SPP2: variants seen among roughly 807,000 people sequenced by gnomAD.
SPP2 encodes the protein secreted phosphoprotein 24.
Under a neutral mutation model 28.8 loss-of-function variants are expected in SPP2, and 34 were observed. The observed-to-expected ratio is 1.18, with a 90% CI of 0.90 to 1.57. SPP2 has a LOEUF of 1.57. SPP2 is among the 40% of genes most tolerant of loss of function. The pLI, the probability that SPP2 is intolerant of heterozygous loss-of-function variation, is 0.00. For missense variants in SPP2, 269 were observed against 263.9 expected, an observed-to-expected ratio of 1.02 and a Z score of -0.13; for synonymous variants, 96 against 89.4, an observed-to-expected ratio of 1.07 and a Z score of -0.42.
chr2:234,060,388 G>A lies in SPP2; in HGVS notation c.353G>A (p.Ser118Asn). The change falls in exon 4 of 8, where the codon AGC becomes AAC. Residue 118 changes from serine (S) to asparagine (N), a missense_variant. Physicochemically the swap from Ser to Asn is conservative, Grantham distance 46 (BLOSUM62 1). Transcript: ENST00000168148. Reference protein sequence around the residue: ...DYYVSTAVCRSTVKVSAQQVQ... With the variant: ...DYYVSTAVCRNTVKVSAQQVQ... The stretch of plus-strand genomic sequence containing the variant: ...TTCCAGTCCACAGCTGTTTGCAGAA[G>A]CACCGTGAAGGTATCTGCCCAGCAG... 6.2e-7 allele frequency: 1 copy of A among 1,613,968 alleles called. No individual in the cohort carries two copies. Among genetic ancestry groups the A allele is most frequent in the Middle Eastern group, 1.6e-4 (1 of 6,062 alleles).
chr2:234,061,205 A>T (rs1243444757), intron 4 of SPP2, among the ~76,000 whole-genome samples: 2 of 152,176 alleles, frequency 1.3e-5, no homozygotes, highest in Non-Finnish European at 2.9e-5. Context: ...CCTTGAAATT[A>T]TATTATATAA....
Position 234,058,839 on chromosome 2 carries a change from G to A in SPP2, c.214G>A (p.Glu72Lys), listed in dbSNP as rs1339105286. The A allele has an allele frequency of 6.2e-7, 1 of 1,612,586 alleles. No homozygotes were observed. The highest frequency in any genetic ancestry group is 8.5e-7 in the Non-Finnish European group (1 of 1,179,420). The change falls in exon 3 of 8, where the codon GAG (glutamate) becomes AAG (lysine). Residue 72 changes from glutamate (E) to lysine (K), a missense_variant. Physicochemically the swap from Glu to Lys is moderately conservative, Grantham distance 56. Coordinates refer to ENST00000168148, the MANE Select transcript of SPP2 (RefSeq NM_006944.3). ...RAFRSSLKRV[E>K]VLDENNLVMN... ...CTGAAACTTTATTTTTGTGAAGGTT[G>A]AGGTCCTAGATGAGAACAACTTGGT...
At chr2:234,073,461 T>C (rs1422746310) in intron 7 of SPP2, among the ~76,000 whole-genome samples, 1 of 152,220 alleles carries the variant, frequency 6.6e-6, no homozygotes, top group South Asian at 2.1e-4. Flanking sequence ...CTATTTGTTA[T>C]GAAATCCCCA....
chr2:234,058,546 TG>T (rs1693653281), intron 2 of SPP2, among the ~76,000 whole-genome samples: 1 of 152,180 alleles, frequency 6.6e-6, no homozygotes, highest in Non-Finnish European at 1.5e-5. Context: ...CCACAAACAG[TG>T]AGGATCAATT....
At chr2:234,076,663 T>A (rs768129730) in intron 7 of SPP2, among the ~76,000 whole-genome samples, 182 bp from the exon 8 acceptor site, 3 of 152,126 alleles carry the variant, frequency 2.0e-5, no homozygotes, top group Non-Finnish European at 4.4e-5. Context: ...TTGCTTTTGC[T>A]TGGTTCCTTC....
intron 6 of SPP2, among the ~76,000 whole-genome samples, chr2:234,069,192 A>AAG (rs143384388): frequency 0.039 from 5,822 of 149,118 alleles, 243 homozygotes; most frequent in African/African-American, 0.11. Flanking sequence ...ATTTGAGAGA[A>AAG]AGAGAGAGAG....
chr2:234,060,788 C>G (rs1693706995), intron 4 of SPP2, among the ~76,000 whole-genome samples: 1 of 152,024 alleles, frequency 6.6e-6, no homozygotes, highest in African/African-American at 2.4e-5. Flanking sequence ...TACACACGCA[C>G]ACACACTTGA....
chr2:234,051,750 G>A (rs187514234), intron 2 of SPP2, among the ~76,000 whole-genome samples: 182 of 152,272 alleles, frequency 1.2e-3, no homozygotes, highest in Admixed American at 2.7e-3. Flanking sequence ...ATATTTTCAA[G>A]CAAATTTAGG....
intron 6 of SPP2, among the ~76,000 whole-genome samples, chr2:234,069,457 T>C (rs1215895585): frequency 1.3e-5 from 2 of 152,204 alleles, no homozygotes; most frequent in Admixed American, 6.5e-5. Flanking sequence ...TGTGACCAAT[T>C]CTTTTATATA....
chr2:234,073,862 A>G (rs1335912525), intron 7 of SPP2, among the ~76,000 whole-genome samples: 1 of 152,232 alleles, frequency 6.6e-6, no homozygotes, highest in Non-Finnish European at 1.5e-5. Context: ...ATAAGGGCAC[A>G]GTAAAAAGAA....
intron 4 of SPP2, among the ~76,000 whole-genome samples, chr2:234,060,835 TAAC>T (rs1693707556): frequency 6.6e-6 from 1 of 152,024 alleles, no homozygotes; most frequent in Admixed American, 6.6e-5. Context: ...CAAGTAAAAT[TAAC>T]AAACCTTTAA....
chr2:234,066,580 T>C lies in SPP2; in HGVS notation c.492T>C (p.Tyr164=), dbSNP rs141694000. The change falls in exon 5 of 8, where the codon TAT becomes TAC. Residue 164 remains tyrosine (Y), a synonymous_variant. Transcript: ENST00000168148. The stretch of plus-strand genomic sequence containing the variant: ...GATCTCATAAATGGAGAAACAATTA[T>C]CTATTTGGTAAGTTAAGATCTGTTC... ...MLGSHKWRNN[Y]LFGLISDESI... is the part of the protein sequence containing the mutation. The C allele has an allele frequency of 1.4e-5, 23 of 1,611,506 alleles. No homozygotes were observed. The highest frequency in any genetic ancestry group is 5.0e-5 in the Admixed American group (3 of 59,950).
chr2:234,060,752 C>T (rs1287958335), intron 4 of SPP2, among the ~76,000 whole-genome samples: 1 of 151,674 alleles, frequency 6.6e-6, no homozygotes, highest in African/African-American at 2.4e-5. Flanking sequence ...CACACGCACA[C>T]ACACACACAT....
intron 2 of SPP2, among the ~76,000 whole-genome samples, chr2:234,057,352 T>A (rs1187271300): frequency 6.6e-6 from 1 of 151,894 alleles, no homozygotes; most frequent in African/African-American, 2.4e-5. Context: ...GCCACAAGAG[T>A]CGGAGTTGTC....
chr2:234,068,627 GTTA>G (rs1232296654), intron 6 of SPP2, among the ~76,000 whole-genome samples: 43 of 149,714 alleles, frequency 2.9e-4, no homozygotes, highest in Admixed American at 8.6e-4. Context: ...AGAATATACA[GTTA>G]TTATGACAGC....
intron 2 of SPP2, among the ~76,000 whole-genome samples, chr2:234,054,308 T>C (rs1402974638): frequency 6.6e-6 from 1 of 152,284 alleles, no homozygotes; most frequent in Non-Finnish European, 1.5e-5. Context: ...GGTCATGATT[T>C]TGAGGAGTTT....
chr2:234,076,626 G>T (rs1439865333), intron 7 of SPP2, among the ~76,000 whole-genome samples: 2 of 152,050 alleles, frequency 1.3e-5, no homozygotes, highest in Non-Finnish European at 2.9e-5. Flanking sequence ...ACCCGCACAC[G>T]GTGGCAGCTG....
Position 234,076,956 on chromosome 2 carries a change from G to C in SPP2, c.*122G>C, listed in dbSNP as rs1690909487. On this transcript the variant is annotated 3_prime_UTR_variant, in exon 8 of 8. Coordinates refer to ENST00000168148, the MANE Select transcript of SPP2 (RefSeq NM_006944.3). ...TAATTCCCAGGAGTCCTGGGTCCCT[G>C]GCCTCCAAAGCTGGAATGTGAACGC... is the stretch of plus-strand genomic sequence containing the variant. 1 of 151,922 alleles carries C rather than the reference G, an allele frequency of 6.6e-6. No individual in the cohort carries two copies. Among genetic ancestry groups the C allele is most frequent in the African/African-American group, 2.4e-5 (1 of 41,332 alleles). 9.4% of individuals were successfully genotyped at this position (151,922 alleles called of 1,614,324 possible).
chr2:234,061,134 C>T (rs13424116), intron 4 of SPP2, among the ~76,000 whole-genome samples: 4,042 of 152,206 alleles, frequency 0.027, 142 homozygotes, highest in East Asian at 0.16. Flanking sequence ...TATTTTTCCT[C>T]AATTGCATTG....
Sources: allele counts gnomAD v4.1 joint callset (sites outside exome capture counted in the v4.1 genomes callset), GRCh38; gene constraint gnomAD v4.1.1; transcripts MANE v1.5; gene names NCBI Gene and HGNC (gene_info 2026-07-23, HGNC 2026-07-21).